WDR33: variants seen among roughly 807,000 people sequenced by gnomAD.
The protein encoded by WDR33 is pre-mRNA 3' end processing protein WDR33.
WDR33 carries 47 observed loss-of-function variants against 164.9 expected under a neutral mutation model. The observed-to-expected ratio is 0.29, with a 90% CI of 0.23 to 0.36. The LOEUF is 0.36. WDR33 is among the 10% of genes least tolerant of loss of function. WDR33 has a pLI of 1.00. For missense variants in WDR33, 1,137 were observed against 1,754.1 expected (o/e 0.65, Z 6.28); for synonymous variants, 505 against 589.0 (o/e 0.86, Z 2.06).
At chr2:127,746,057 A>G (rs1687159825) in intron 7 of WDR33, among the ~76,000 whole-genome samples, 1 of 151,578 alleles carries the variant, frequency 6.6e-6, no homozygotes, top group Non-Finnish European at 1.5e-5. Context: ...AAAAAAAAAA[A>G]AAAGGTAAGC....
chr2:127,717,265 T>A lies in WDR33; in HGVS notation c.2761-2A>T. 1 of 1,569,556 alleles carries A rather than the reference T, an allele frequency of 6.4e-7. No individual in the cohort carries two copies. Among genetic ancestry groups the A allele is most frequent in the South Asian group, 1.2e-5 (1 of 83,754 alleles). On this transcript the variant is annotated splice_acceptor_variant, in intron 16 of 21. Coordinates refer to ENST00000322313, the MANE Select transcript of WDR33 (RefSeq NM_018383.5). LOFTEE classifies it high-confidence loss of function. This position sits in a 1 kb window ranked among gnomAD's most constrained non-coding sequence, Gnocchi z 5.6. ...TGGGGGGCCTGTGCTCTGTCCTTCC[T>A]GAAAATATGTTTTTAAAGTAAGGGT...
rs1383664029 is a variant in WDR33, at chr2:127,704,457, A to C, written c.*1866T>G. 1 of 167,038 alleles carries C rather than the reference A, an allele frequency of 6.0e-6. No homozygotes were observed. Among genetic ancestry groups the C allele is most frequent in the Non-Finnish European group, 1.5e-5 (1 of 68,114 alleles). 10.3% of individuals were successfully genotyped at this position (167,038 alleles called of 1,614,324 possible). On this transcript the variant is annotated 3_prime_UTR_variant, in exon 22 of 22. Transcript: ENST00000322313. Reference sequence around the variant, plus strand: ...ATCTTGATATGGGTTTGGTCTCTGGATCCGGTTTTAGCTTCATGAAATTTG... The same window carrying C: ...ATCTTGATATGGGTTTGGTCTCTGGCTCCGGTTTTAGCTTCATGAAATTTG...
rs1453365964 is a variant in WDR33 at position 127,712,136 on chromosome 2, C to T, written c.3308+1447G>A. 6.6e-6 allele frequency among the ~76,000 whole-genome samples: 1 copy of T among 152,020 alleles called. No homozygotes were observed. The highest frequency in any genetic ancestry group is 2.4e-5 in the African/African-American group (1 of 41,392). On this transcript the variant is annotated intron_variant, in intron 18 of 21. Coordinates refer to ENST00000322313, the MANE Select transcript of WDR33 (RefSeq NM_018383.5). The surrounding 1 kb of genome is among the most constrained non-coding windows in gnomAD (Gnocchi z 4.0). The stretch of plus-strand genomic sequence containing the variant: ...AAGGACCAGGCGCAGTGGCTCACGC[C>T]TATAATCCCTGCACTCTGGGGGGGC...
intron 4 of WDR33, among the ~76,000 whole-genome samples, chr2:127,766,643 C>T (rs1342863805): frequency 6.6e-6 from 1 of 152,020 alleles, no homozygotes; most frequent in African/African-American, 2.4e-5. Context: ...TTATTCTTTT[C>T]AAAAAGGTTT....
chr2:127,704,480 T>C lies in WDR33; in HGVS notation c.*1843A>G, dbSNP rs767410907. ...GGATCCGGTTTTAGCTTCATGAAAT[T>C]TGATTACAGTTTCTCTCTCTTTAAG... On this transcript the variant is annotated 3_prime_UTR_variant, in exon 22 of 22. Transcript: ENST00000322313. 4 of 167,058 alleles carry C rather than the reference T, an allele frequency of 2.4e-5. No individual in the cohort carries two copies. The highest frequency in any genetic ancestry group is 5.9e-5 in the Non-Finnish European group (4 of 68,106). The allele number at this position is 167,058 out of a possible 1,614,324, so 10.3% of individuals were successfully genotyped here. A position where few individuals can be genotyped will look rare whatever the true frequency, so the allele number is the denominator to read the frequency against.
intron 1 of WDR33, among the ~76,000 whole-genome samples, chr2:127,772,446 A>T (rs1172809001): frequency 6.6e-6 from 1 of 151,860 alleles, no homozygotes; most frequent in Non-Finnish European, 1.5e-5. Flanking sequence ...TAAAAAAAAA[A>T]ATTCCACTTA....
chr2:127,762,191 G>A (rs1232554678), intron 7 of WDR33, among the ~76,000 whole-genome samples: 1 of 152,114 alleles, frequency 6.6e-6, no homozygotes, highest in Non-Finnish European at 1.5e-5. Flanking sequence ...TACTTTTGTG[G>A]CATCCTGGAA....
chr2:127,781,781 C>G (rs1299249873), intron 1 of WDR33, among the ~76,000 whole-genome samples: 1 of 151,020 alleles, frequency 6.6e-6, no homozygotes, highest in Non-Finnish European at 1.5e-5. Context: ...GGCAGATCAC[C>G]TGAGGTCGGG....
At chr2:127,799,471 G>T (rs1283753432) in intron 1 of WDR33, among the ~76,000 whole-genome samples, 2 of 152,060 alleles carry the variant, frequency 1.3e-5, no homozygotes. Context: ...TTCTTAAATG[G>T]GCAAAGAATG....
Position 127,768,172 on chromosome 2 carries a change from T to G in WDR33, c.378+17A>C, listed in dbSNP as rs1378681427. ...GCAGGATTAATTTTCCCCCAAAATATCCAACAGATTACTTACCCTAACAAC... is the reference window on the plus strand; with the variant it reads ...GCAGGATTAATTTTCCCCCAAAATAGCCAACAGATTACTTACCCTAACAAC... On this transcript the variant is annotated intron_variant, in intron 4 of 21. Coordinates refer to ENST00000322313, the MANE Select transcript of WDR33 (RefSeq NM_018383.5). 1 of 1,461,590 alleles carries G rather than the reference T, an allele frequency of 6.8e-7. No individual in the cohort carries two copies. The allele number at this position is 1,461,590 out of a possible 1,614,324, so 90.5% of individuals were successfully genotyped here.
At chr2:127,777,650 G>C (rs1284624614) in intron 1 of WDR33, among the ~76,000 whole-genome samples, 1 of 152,166 alleles carries the variant, frequency 6.6e-6, no homozygotes, top group Admixed American at 6.5e-5. Context: ...TTTTGAGACA[G>C]GGTCTTGCTG....
At chr2:127,777,681 A>G (rs1688230387) in intron 1 of WDR33, among the ~76,000 whole-genome samples, 1 of 152,208 alleles carries the variant, frequency 6.6e-6, no homozygotes, top group South Asian at 2.1e-4. Flanking sequence ...GATGGAATAC[A>G]GTGGCACTAC....
chr2:127,788,517 G>T (rs1460833778), intron 1 of WDR33, among the ~76,000 whole-genome samples: 1 of 123,770 alleles, frequency 8.1e-6, no homozygotes, highest in African/African-American at 3.4e-5. Flanking sequence ...TGGCCGGGTG[G>T]GGGGGCTGAC....
chr2:127,781,133 G>C (rs1323086229), intron 1 of WDR33, among the ~76,000 whole-genome samples: 2 of 152,118 alleles, frequency 1.3e-5, no homozygotes, highest in Admixed American at 6.5e-5. Flanking sequence ...CGAAGTGCTG[G>C]GATTATAGGT....
rs895503232 is a variant in WDR33, at chr2:127,717,793, A to T, written c.2761-530T>A. ...TCTTTTACTACATGGTACAATAAAA[A>T]ATCTCATTGAATTATCCCAGAAACT... On this transcript the variant is annotated intron_variant, in intron 16 of 21. Transcript: ENST00000322313. This position sits in a 1 kb window ranked among gnomAD's most constrained non-coding sequence, Gnocchi z 5.6. Among the ~76,000 whole-genome samples the T allele has an allele frequency of 2.0e-5, 3 of 152,218 alleles. No homozygotes were observed. Among genetic ancestry groups the T allele is most frequent in the Non-Finnish European group, 1.5e-5 (1 of 68,038 alleles).
rs995166860 is a variant in WDR33, at chr2:127,770,270, T to C, written c.204+508A>G. On this transcript the variant is annotated intron_variant, in intron 2 of 21. Coordinates refer to ENST00000322313, the MANE Select transcript of WDR33 (RefSeq NM_018383.5). This position sits in a 1 kb window ranked among gnomAD's most constrained non-coding sequence, Gnocchi z 4.9. ...TTTAGAAGATGATACAGGCACAGAA[T>C]TTTATAAAGTATTAGTGGTTTGAGG... 6.6e-6 allele frequency among the ~76,000 whole-genome samples: 1 copy of C among 152,238 alleles called. No homozygotes were observed. Among genetic ancestry groups the C allele is most frequent in the South Asian group, 2.1e-4 (1 of 4,838 alleles).
intron 1 of WDR33, among the ~76,000 whole-genome samples, chr2:127,785,796 G>A (rs1484386289): frequency 6.6e-6 from 1 of 152,148 alleles, no homozygotes; most frequent in Non-Finnish European, 1.5e-5. Context: ...TTGTGTGCAC[G>A]TTTTTGGGTA....
intron 7 of WDR33, among the ~76,000 whole-genome samples, chr2:127,754,582 C>CAT (rs1237067950): frequency 7.2e-6 from 1 of 137,988 alleles, no homozygotes; most frequent in Non-Finnish European, 1.6e-5. Flanking sequence ...CCATGTTTTT[C>CAT]ATTTTTTTTT....
chr2:127,806,708 AG>A (rs1304760833), intron 1 of WDR33, among the ~76,000 whole-genome samples: 1 of 151,894 alleles, frequency 6.6e-6, no homozygotes, highest in Non-Finnish European at 1.5e-5. Context: ...AAAAAAAAAA[AG>A]ATGATGCTAA....
Sources: gnomAD v4.1 joint callset for allele counts (sites outside exome capture counted in the v4.1 genomes callset) on GRCh38, gnomAD v4.1.1 for gene constraint, Gnocchi (gnomAD v3.1) non-coding constraint, MANE v1.5 for transcripts, NCBI Gene and HGNC (gene_info 2026-07-23, HGNC 2026-07-21) for gene names.